Variants in ZNF215 observed in about 807,000 individuals in gnomAD.
ZNF215 encodes the protein zinc finger protein 215, also known as BWSCR2-associated zinc finger protein 2.
ZNF215 carries 24 observed loss-of-function variants against 27.2 expected under a neutral mutation model. The observed-to-expected ratio is 0.88, with a 90% CI of 0.64 to 1.24. The LOEUF (loss-of-function observed/expected upper bound fraction) is 1.24. Among genes scored for constraint, ZNF215 ranks in the 50% most tolerant of loss-of-function variants. ZNF215 has a pLI of 0.00. For synonymous variants in ZNF215, 210 were observed against 204.0 expected, an observed-to-expected ratio of 1.03 and a Z score of -0.25; for missense variants, 675 against 605.7, an observed-to-expected ratio of 1.11 and a Z score of -1.20.
intron 5 of ZNF215, among the ~76,000 whole-genome samples, chr11:6,969,708 A>C (rs562933460): frequency 8.5e-5 from 13 of 152,314 alleles, no homozygotes; most frequent in African/African-American, 3.1e-4. Context: ...TCCTAAGAAA[A>C]AAAATTGCAA....
intron 4 of ZNF215, among the ~76,000 whole-genome samples, chr11:6,942,731 G>T (rs1314275397): frequency 1.3e-5 from 2 of 152,112 alleles, no homozygotes; most frequent in African/African-American, 4.8e-5. Context: ...ACAAACTCTT[G>T]CTGTTTTGAA....
intron 6 of ZNF215, among the ~76,000 whole-genome samples, chr11:6,950,641 A>G (rs879438851): frequency 5.9e-5 from 9 of 151,266 alleles, no homozygotes; most frequent in East Asian, 1.9e-4. Flanking sequence ...GGCTGAGACG[A>G]TGGGGTTTTC....
downstream of ZNF215, among the ~76,000 whole-genome samples, chr11:6,985,183 C>CA (rs1284748561): frequency 4.6e-5 from 7 of 151,984 alleles, no homozygotes; most frequent in African/African-American, 1.5e-4. Context: ...AGCAGCACAC[C>CA]AAAAAGATAA....
intron 5 of ZNF215, among the ~76,000 whole-genome samples, chr11:6,979,065 A>G (rs1850891468): frequency 6.6e-6 from 1 of 151,996 alleles, no homozygotes; most frequent in Non-Finnish European, 1.5e-5. Flanking sequence ...GCTCTTATCC[A>G]CCAAAAGGAA....
intron 5 of ZNF215, among the ~76,000 whole-genome samples, chr11:6,975,753 A>T (rs1850821751): frequency 6.6e-6 from 1 of 152,070 alleles, no homozygotes; most frequent in African/African-American, 2.4e-5. Flanking sequence ...TCCTCTGCTG[A>T]TGGACACTTA....
chr11:6,965,216 T>C (rs1850596145), intron 5 of ZNF215, among the ~76,000 whole-genome samples: 1 of 152,128 alleles, frequency 6.6e-6, no homozygotes, highest in Non-Finnish European at 1.5e-5. Flanking sequence ...CGGTAGTACA[T>C]GTTATACAGA....
rs139833529 is a variant in ZNF215 at position 6,971,048 on chromosome 11, A to G, written c.806-13081A>G. 1.4e-3 allele frequency among the ~76,000 whole-genome samples: 214 copies of G among 152,202 alleles called. 1 individual carries two copies. Among genetic ancestry groups the G allele is most frequent in the African/African-American group, 4.8e-3 (198 of 41,544 alleles). ...GACATCCAGAGTAACCTAAAGGGTC[A>G]TGTGGAGGAAATACCCCTTCAGCCA... On this transcript the variant is annotated intron_variant, in intron 5 of 5. Transcript: ENST00000529903.
chr11:6,940,674 A>G (rs549743497), intron 3 of ZNF215, among the ~76,000 whole-genome samples: 7 of 152,324 alleles, frequency 4.6e-5, no homozygotes, highest in African/African-American at 1.7e-4. Context: ...CATTTATAAT[A>G]GAGAATTAAT....
chr11:6,955,422 G>A (rs1041628011), intron 6 of ZNF215, among the ~76,000 whole-genome samples: 12 of 152,100 alleles, frequency 7.9e-5, no homozygotes, highest in East Asian at 1.9e-4. Flanking sequence ...TATGCCACCC[G>A]CATCCTTGTT....
At chr11:6,953,238 T>G (rs1472063675) in intron 6 of ZNF215, among the ~76,000 whole-genome samples, 4 of 152,178 alleles carry the variant, frequency 2.6e-5, no homozygotes, top group African/African-American at 7.2e-5. Flanking sequence ...TCAAGGAGTA[T>G]GTTTGTGGCA....
At chr11:6,981,121 A>T (rs1016565903) in intron 5 of ZNF215, among the ~76,000 whole-genome samples, 2 of 151,334 alleles carry the variant, frequency 1.3e-5, no homozygotes, top group African/African-American at 4.9e-5. Context: ...TTGGGTATAT[A>T]CCCAGTAATG....
chr11:6,954,922 A>G (rs542464519), intron 6 of ZNF215, among the ~76,000 whole-genome samples: 124 of 152,332 alleles, frequency 8.1e-4, no homozygotes, highest in Non-Finnish European at 1.2e-3. Context: ...TAGAATATAG[A>G]GTATACAGAG....
At chr11:6,990,570 A>G (rs188351286), downstream of ZNF215, among the ~76,000 whole-genome samples, 3 of 152,352 alleles carry the variant, frequency 2.0e-5, no homozygotes, top group Non-Finnish European at 4.4e-5. Context: ...CAACCTCTGT[A>G]TCTTTTGTAT....
chr11:6,934,611 T>C (rs1849373282), intron 3 of ZNF215, among the ~76,000 whole-genome samples: 1 of 152,202 alleles, frequency 6.6e-6, no homozygotes, highest in African/African-American at 2.4e-5. Context: ...ACATCTCTAA[T>C]ACTTTATTCT....
At position 6,943,635 on chromosome 11, in the gene ZNF215, AT is replaced by A. The variant is rs1849711728; in HGVS notation, c.711del (p.Phe237LeufsTer3). 1.2e-6 allele frequency: 2 copies of A among 1,611,284 alleles called. No individual in the cohort carries two copies. Among genetic ancestry groups the A allele is most frequent in the Non-Finnish European group, 8.5e-7 (1 of 1,177,606 alleles). ...GGAGAAAGAAATACCAAGGAAGACTATTTTTGGTAAGAACCAGGTAGATATG... is the reference window on the plus strand; with the variant it reads ...GGAGAAAGAAATACCAAGGAAGACTATTTTGGTAAGAACCAGGTAGATATG... Reference protein sequence around the residue: ...IMEKEIPRKTIFDMKSISGEE... With the variant: ...IMEKEIPRKTXFDMKSISGEE... On this transcript the variant is annotated frameshift_variant, in exon 6 of 7. Coordinates refer to ENST00000278319, the MANE Select transcript of ZNF215 (RefSeq NM_013250.4). LOFTEE classifies it low-confidence loss of function (END_TRUNC).
At chr11:6,969,937 T>C (rs756316899) in intron 5 of ZNF215, among the ~76,000 whole-genome samples, 7 of 151,984 alleles carry the variant, frequency 4.6e-5, no homozygotes, top group Non-Finnish European at 8.8e-5. Context: ...CCCACCACCA[T>C]GCCTGGCTAA....
In ZNF215 at chr11:6,932,485, G is replaced by T. The variant is rs762741241; in HGVS notation, c.213G>T (p.Glu71Asp). 3.0e-5 allele frequency: 48 copies of T among 1,614,064 alleles called. No homozygotes were observed. In the African/African-American group the frequency reaches 6.0e-4, roughly 20 times the overall value. ...ATGAAGCCCTGAGCCAACTCTGGGA[G>T]CTCTGTCTTCAATGGCTGAGACCAG... is the stretch of plus-strand genomic sequence containing the variant. Reference protein sequence around the residue: ...GPHEALSQLWELCLQWLRPEI... With the variant: ...GPHEALSQLWDLCLQWLRPEI... The change falls in exon 3 of 7, where the codon GAG (glutamate) becomes GAT (aspartate). Residue 71 changes from glutamate (E) to aspartate (D), a missense_variant. Transcript: ENST00000278319.
At chr11:6,973,346 A>T (rs1242195653) in intron 5 of ZNF215, among the ~76,000 whole-genome samples, 1 of 152,060 alleles carries the variant, frequency 6.6e-6, no homozygotes, top group Non-Finnish European at 1.5e-5. Flanking sequence ...GAATAGTGCC[A>T]CAATAAACAT....
At chr11:6,967,320 C>T (rs1182139600) in intron 5 of ZNF215, among the ~76,000 whole-genome samples, 1 of 151,786 alleles carries the variant, frequency 6.6e-6, no homozygotes, top group East Asian at 1.9e-4. Flanking sequence ...CTTTGGGTAC[C>T]CAGTAATGGG....
Sources: allele counts gnomAD v4.1 joint callset (sites outside exome capture counted in the v4.1 genomes callset), GRCh38; gene constraint gnomAD v4.1.1; transcripts MANE v1.5; gene names NCBI Gene and HGNC (gene_info 2026-07-23, HGNC 2026-07-21).